Variants in TLN2 observed in about 807,000 individuals in gnomAD.
The protein encoded by TLN2 is talin-2.
Under a neutral mutation model 294.7 loss-of-function variants are expected in TLN2, and 118 were observed. That is an observed-to-expected ratio of 0.40 (90% confidence interval 0.34 to 0.47). The LOEUF (loss-of-function observed/expected upper bound fraction) is 0.47, where lower values mean the gene tolerates loss of function less well. Ranked by LOEUF, TLN2 falls within the 20% of genes least tolerant of loss-of-function variation. The pLI, the probability that TLN2 is intolerant of heterozygous loss-of-function variation, is 0.84. For missense variants in TLN2, 3,083 were observed against 3,282.2 expected, an observed-to-expected ratio of 0.94 and a Z score of 1.48; for synonymous variants, 1,431 against 1,304.5, an observed-to-expected ratio of 1.10 and a Z score of -2.09.
intron 1 of TLN2, among the ~76,000 whole-genome samples, chr15:62,455,114 A>G (rs1257446133): frequency 6.6e-6 from 1 of 152,174 alleles, no homozygotes; most frequent in Non-Finnish European, 1.5e-5. Context: ...AAAGGGAACC[A>G]TTGTATTCAA....
intron 3 of TLN2, among the ~76,000 whole-genome samples, chr15:62,631,502 TTTTCTTTC>T (rs146439322): frequency 1.4e-5 from 2 of 139,620 alleles, no homozygotes; most frequent in African/African-American, 2.6e-5. Context: ...TTTCTTCCTC[TTTTCTTTC>T]TTTCTTTCTT....
intron 48 of TLN2, among the ~76,000 whole-genome samples, chr15:62,800,102 C>A (rs1250788830): frequency 6.6e-6 from 1 of 152,324 alleles, no homozygotes. Context: ...AAGTTGCTGG[C>A]TAGGAGGTTT....
chr15:62,430,946 AT>A, intron 1 of TLN2, among the ~76,000 whole-genome samples: 1 of 151,380 alleles, frequency 6.6e-6, no homozygotes. Context: ...AAAAAAAAAA[AT>A]ACACAAAAAC....
rs1037859486 is a variant in TLN2 at position 62,676,022 on chromosome 15, G to A, written c.957+701G>A. Among the ~76,000 whole-genome samples, 14 of 152,200 alleles carry A rather than the reference G, an allele frequency of 9.2e-5. No individual in the cohort carries two copies. In the South Asian group the frequency reaches 1.0e-3, roughly 11 times the overall value. On this transcript the variant is annotated intron_variant, in intron 11 of 58. Transcript: ENST00000636159. ...CCCCTTTGGCCTCTCGCCTGGGGCCGTGGAGAAAGCTCTAACTTATAGTCA... is the reference window on the plus strand; with the variant it reads ...CCCCTTTGGCCTCTCGCCTGGGGCCATGGAGAAAGCTCTAACTTATAGTCA...
intron 20 of TLN2, among the ~76,000 whole-genome samples, chr15:62,707,580 A>G (rs1349892429): frequency 2.0e-5 from 3 of 152,234 alleles, no homozygotes; most frequent in Non-Finnish European, 2.9e-5. Context: ...CAGCATTACA[A>G]ATGGGTTCAG....
At chr15:62,694,259 G>T in intron 13 of TLN2, 57 bp from the exon 14 acceptor site, 1 of 1,539,588 alleles carries the variant, frequency 6.5e-7, no homozygotes, top group South Asian at 1.1e-5. Context: ...TTAGAGGCGT[G>T]AGCCACCGCG....
intron 2 of TLN2, among the ~76,000 whole-genome samples, chr15:62,605,228 C>T (rs2047334172): frequency 6.6e-6 from 1 of 152,144 alleles, no homozygotes; most frequent in East Asian, 1.9e-4. Flanking sequence ...TAAAATTGGG[C>T]AATACTATAG....
chr15:62,534,011 G>A (rs2041195052), intron 1 of TLN2, among the ~76,000 whole-genome samples: 1 of 152,156 alleles, frequency 6.6e-6, no homozygotes, highest in African/African-American at 2.4e-5. Flanking sequence ...GCTTCCAAAT[G>A]TTAGTGTGAA....
At chr15:62,648,639 C>T (rs1419634354) in intron 4 of TLN2, among the ~76,000 whole-genome samples, 2 of 148,286 alleles carry the variant, frequency 1.3e-5, no homozygotes, top group Non-Finnish European at 3.0e-5. Flanking sequence ...CCTCCACCTT[C>T]CGAGTTTAAG....
At chr15:62,559,408 C>T (rs988169295) in intron 1 of TLN2, among the ~76,000 whole-genome samples, 1 of 152,164 alleles carries the variant, frequency 6.6e-6, no homozygotes, top group Non-Finnish European at 1.5e-5. Context: ...CCCCAATGTT[C>T]AGCTACACCC....
intron 1 of TLN2, among the ~76,000 whole-genome samples, chr15:62,471,904 G>A (rs1224770955): frequency 6.6e-6 from 1 of 152,180 alleles, no homozygotes; most frequent in Non-Finnish European, 1.5e-5. Context: ...CAGAGGCAGA[G>A]GGATTCCTTC....
intron 1 of TLN2, among the ~76,000 whole-genome samples, chr15:62,478,579 C>G (rs2037913795): frequency 6.6e-6 from 1 of 152,178 alleles, no homozygotes; most frequent in African/African-American, 2.4e-5. Flanking sequence ...CGGAACAGCT[C>G]TCCAGGGGGA....
At chr15:62,711,216 T>C (rs868578829) in intron 21 of TLN2, among the ~76,000 whole-genome samples, 1 of 152,348 alleles carries the variant, frequency 6.6e-6, no homozygotes, top group East Asian at 1.9e-4. Flanking sequence ...TTTTTAATGT[T>C]GGTTGTTATA....
chr15:62,783,788 T>C lies in TLN2; in HGVS notation c.5634T>C (p.Thr1878=), dbSNP rs144235392. 2 of 1,604,704 alleles carry C rather than the reference T, an allele frequency of 1.2e-6. No individual in the cohort carries two copies. Among genetic ancestry groups the C allele is most frequent in the African/African-American group, 2.7e-5 (2 of 74,890 alleles). ...TAQEMMTKSV[T]NPEELGGLAS... ...TTTTCCAGATGACTAAGTCGGTTACTAACCCGGAGGAGTTGGGAGGACTGG... is the reference window on the plus strand; with the variant it reads ...TTTTCCAGATGACTAAGTCGGTTACCAACCCGGAGGAGTTGGGAGGACTGG... The change falls in exon 45 of 59, where the codon ACT becomes ACC. Residue 1878 remains threonine, a synonymous_variant. Transcript: ENST00000636159.
chr15:62,719,715 G>T (rs145603495), intron 24 of TLN2, 52 bp from the exon 25 acceptor site: 322 of 1,429,360 alleles, frequency 2.3e-4, no homozygotes, highest in Non-Finnish European at 3.0e-4. Flanking sequence ...TAGCTTCTTT[G>T]GATGGTCCCA....
chr15:62,736,333 A>C (rs927093081), intron 28 of TLN2, among the ~76,000 whole-genome samples: 1 of 150,940 alleles, frequency 6.6e-6, no homozygotes, highest in African/African-American at 2.4e-5. Flanking sequence ...AAAAAAAAAC[A>C]GTAAAAGTAG....
intron 1 of TLN2, among the ~76,000 whole-genome samples, chr15:62,478,277 A>G (rs76460646): frequency 0.017 from 2,628 of 152,292 alleles, 31 homozygotes; most frequent in Non-Finnish European, 0.027. Context: ...TAACCCCTGC[A>G]TCATGACTAG....
chr15:62,414,756 A>G (rs569162436), intron 1 of TLN2, among the ~76,000 whole-genome samples: 1 of 141,256 alleles, frequency 7.1e-6, no homozygotes, highest in African/African-American at 2.5e-5. Flanking sequence ...ACTAGTGCTT[A>G]GTAATAAATT....
chr15:62,675,110 G>GTT lies in TLN2; in HGVS notation c.853-107_853-106insTT. 3.0e-6 allele frequency: 3 copies of GTT among 1,001,466 alleles called. No individual in the cohort carries two copies. The South Asian group carries it at 4.6e-5, about 15-fold the overall frequency. The allele number at this position is 1,001,466 out of a possible 1,614,324, so 62.0% of individuals were successfully genotyped here. A position where few individuals can be genotyped will look rare whatever the true frequency, so the allele number is the denominator to read the frequency against. On this transcript the variant is annotated intron_variant, in intron 10 of 58. Coordinates refer to ENST00000636159, the MANE Select transcript of TLN2 (RefSeq NM_015059.3). ...GTCTCAGACACAACCATCACTTAAT[G>GTT]ATCATTCCTAGCCATTTATCTCCAC...
Sources: allele counts gnomAD v4.1 joint callset (sites outside exome capture counted in the v4.1 genomes callset), GRCh38; gene constraint gnomAD v4.1.1; transcripts MANE v1.5; gene names NCBI Gene and HGNC (gene_info 2026-07-23, HGNC 2026-07-21).